The following ABAT variants were observed in gnomAD, a reference collection of about 807,000 sequenced individuals.
ABAT encodes 4-aminobutyrate aminotransferase, mitochondrial.
In ABAT, 45 loss-of-function variants were observed where a neutral mutation model predicts 64.6. The ratio of observed to expected loss-of-function variants is 0.70; its 90% CI spans 0.55 to 0.89. The LOEUF (loss-of-function observed/expected upper bound fraction) is 0.89, where lower values mean the gene tolerates loss of function less well. Ranked by LOEUF, ABAT falls within the 40% of genes least tolerant of loss-of-function variation. The probability of loss-of-function intolerance (pLI) is 0.00; values close to 1 mark genes in which losing one functional copy is unlikely to be tolerated. For missense variants in ABAT, 633 were observed against 658.4 expected (o/e 0.96, Z 0.42); for synonymous variants, 297 against 250.5 (o/e 1.19, Z -1.75).
At chr16:8,740,432 C>T (rs528240618) in intron 2 of ABAT, among the ~76,000 whole-genome samples, 82 of 152,232 alleles carry the variant, frequency 5.4e-4, no homozygotes, top group African/African-American at 1.9e-3. Flanking sequence ...GTCCCACTTA[C>T]GGGGTTGTGG....
chr16:8,724,970 G>C (rs1408619465), intron 1 of ABAT, among the ~76,000 whole-genome samples: 1 of 149,464 alleles, frequency 6.7e-6, no homozygotes, highest in African/African-American at 2.5e-5. Context: ...AGGCTGGAGT[G>C]CAGTGGCGCC....
intron 8 of ABAT, 41 bp from the exon 9 acceptor site, chr16:8,766,167 C>T (rs2059937286): frequency 1.9e-6 from 3 of 1,584,914 alleles, no homozygotes; most frequent in Non-Finnish European, 2.6e-6. Context: ...CCCGACTACC[C>T]CAGAGCATCT....
intron 1 of ABAT, among the ~76,000 whole-genome samples, chr16:8,698,259 T>C (rs1310338405): frequency 3.3e-5 from 5 of 152,118 alleles, no homozygotes; most frequent in African/African-American, 1.2e-4. Flanking sequence ...CTCTGTTCTG[T>C]TGTGTGGAGA....
intron 6 of ABAT, among the ~76,000 whole-genome samples, chr16:8,761,953 T>A (rs2059808634): frequency 6.6e-6 from 1 of 151,220 alleles, no homozygotes; most frequent in African/African-American, 2.4e-5. Flanking sequence ...TGATTTCTTT[T>A]TTCTTCTTCT....
intron 1 of ABAT, among the ~76,000 whole-genome samples, chr16:8,691,045 G>A (rs1449699464): frequency 7.1e-6 from 1 of 140,988 alleles, no homozygotes; most frequent in Admixed American, 6.9e-5. Context: ...CAGTGTGTTG[G>A]GGGAAAAAAA....
At chr16:8,682,575 C>G (rs947938058) in intron 1 of ABAT, among the ~76,000 whole-genome samples, 1 of 149,874 alleles carries the variant, frequency 6.7e-6, no homozygotes, top group Non-Finnish European at 1.5e-5. Flanking sequence ...AACTCTATTT[C>G]CATGTTCTCT....
intron 1 of ABAT, among the ~76,000 whole-genome samples, chr16:8,721,968 C>A (rs568059050): frequency 6.6e-6 from 1 of 152,238 alleles, no homozygotes; most frequent in Non-Finnish European, 1.5e-5. Flanking sequence ...GAACTTACTT[C>A]AGGCCCACTG....
At chr16:8,728,072 G>A (rs903516275) in intron 1 of ABAT, among the ~76,000 whole-genome samples, 11 of 65,038 alleles carry the variant, frequency 1.7e-4, no homozygotes, top group Non-Finnish European at 2.8e-4. Context: ...CCCTGTCAGA[G>A]AGAGAGAGAG....
intron 1 of ABAT, among the ~76,000 whole-genome samples, chr16:8,688,665 C>A (rs1270038540): frequency 6.6e-6 from 1 of 152,180 alleles, no homozygotes. Context: ...GTTGCCCAGG[C>A]TAGTCTCAAA....
chr16:8,771,593 G>A (rs1311359851), intron 11 of ABAT, among the ~76,000 whole-genome samples: 1 of 151,712 alleles, frequency 6.6e-6, no homozygotes, highest in African/African-American at 2.4e-5. Context: ...CTCAGCCACT[G>A]GAGTAGCTGG....
chr16:8,722,701 GGCGTGCCAGT>G, intron 1 of ABAT: 1 of 684,298 alleles, frequency 1.5e-6, no homozygotes, highest in Non-Finnish European at 2.2e-6. Flanking sequence ...ACAATTTCAT[GGCGTGCCAGT>G]GCTCTGAAAG....
chr16:8,701,755 G>A (rs1310262303), intron 1 of ABAT, among the ~76,000 whole-genome samples: 1 of 152,192 alleles, frequency 6.6e-6, no homozygotes, highest in Non-Finnish European at 1.5e-5. Flanking sequence ...AGGGAGGGCA[G>A]GGGTGCAACT....
chr16:8,687,908 T>G (rs72768164), intron 1 of ABAT, among the ~76,000 whole-genome samples: 2,299 of 152,256 alleles, frequency 0.015, 33 homozygotes, highest in Non-Finnish European at 0.023. Context: ...GCTCTTTTTT[T>G]TTTTTAAGAG....
At chr16:8,714,235 G>A (rs1242770498) in intron 1 of ABAT, among the ~76,000 whole-genome samples, 6 of 152,334 alleles carry the variant, frequency 3.9e-5, no homozygotes, top group African/African-American at 1.4e-4. Context: ...AGGAAATGAA[G>A]TGAGGGTCAC....
chr16:8,709,515 A>C (rs1253677507), intron 1 of ABAT, among the ~76,000 whole-genome samples: 1 of 152,140 alleles, frequency 6.6e-6, no homozygotes, highest in Non-Finnish European at 1.5e-5. Context: ...CAGGGATTAC[A>C]GGCTCCTGCC....
rs564845796 is a variant in ABAT at position 8,681,893 on chromosome 16, C to T, written c.-42+7182C>T. Among the ~76,000 whole-genome samples, 44 of 152,146 alleles carry T rather than the reference C, an allele frequency of 2.9e-4. 1 individual carries two copies. Among genetic ancestry groups the T allele is most frequent in the Admixed American group, 2.0e-3 (31 of 15,274 alleles). On this transcript the variant is annotated intron_variant, in intron 1 of 15. Transcript: ENST00000268251. ...GTGACCTCAGGTGATCCACCCGCCT[C>T]GGCCTCCCAAAGTGCTGGGATTACA...
At chr16:8,680,565 T>G (rs1441309822) in intron 1 of ABAT, among the ~76,000 whole-genome samples, 1 of 152,094 alleles carries the variant, frequency 6.6e-6, no homozygotes, top group South Asian at 2.1e-4. Context: ...TGGGATTACA[T>G]GTGTGGGCCA....
intron 1 of ABAT, among the ~76,000 whole-genome samples, chr16:8,690,296 G>A (rs573952007): frequency 6.6e-5 from 10 of 152,228 alleles, no homozygotes; most frequent in South Asian, 2.1e-4. Flanking sequence ...GGTGCCAGCC[G>A]CAGTGCTGTG....
intron 1 of ABAT, among the ~76,000 whole-genome samples, chr16:8,734,525 C>T (rs996751859): frequency 2.0e-5 from 3 of 152,166 alleles, no homozygotes; most frequent in Non-Finnish European, 4.4e-5. Context: ...CTCTCTGTGC[C>T]TCAATTTCCT....
Sources: allele counts gnomAD v4.1 joint callset (sites outside exome capture counted in the v4.1 genomes callset), GRCh38; gene constraint gnomAD v4.1.1; transcripts MANE v1.5; gene names NCBI Gene and HGNC (gene_info 2026-07-23, HGNC 2026-07-21).